The following PDZD7 variants were observed in gnomAD, a reference collection of about 807,000 sequenced individuals.
The protein encoded by PDZD7 is PDZ domain-containing protein 7.
PDZD7 carries 72 observed loss-of-function variants against 84.7 expected under a neutral mutation model. That is an observed-to-expected ratio of 0.85 (90% CI 0.70 to 1.03). The LOEUF is 1.03. Ranked by LOEUF, PDZD7 falls within the 50% of genes least tolerant of loss-of-function variation. PDZD7 has a pLI of 0.00. For synonymous variants in PDZD7, 594 were observed against 580.7 expected, an observed-to-expected ratio of 1.02 and a Z score of -0.33; for missense variants, 1,490 against 1,412.9, an observed-to-expected ratio of 1.05 and a Z score of -0.87.
At position 101,010,450 on chromosome 10, in the gene PDZD7, G is replaced by C; in HGVS notation, c.2439C>G (p.His813Gln). 4 of 1,536,080 alleles carry C rather than the reference G, an allele frequency of 2.6e-6. No homozygotes were observed. Among genetic ancestry groups the C allele is most frequent in the Non-Finnish European group, 3.5e-6 (4 of 1,146,890 alleles). The change falls in exon 15 of 17, where the codon CAC (histidine) becomes CAG (glutamine). Residue 813 changes from histidine to glutamine, a missense_variant. Transcript: ENST00000619208. ...PAPSMTNGRY[H>Q]KPRKARPPLP... The stretch of plus-strand genomic sequence containing the variant: ...GAGGGGGTCTGGCCTTCCGAGGCTT[G>C]TGGTAGCGCCCATTGGTCATGCTGG...
intron 3 of PDZD7, 131 bp from the exon 4 acceptor site, chr10:101,023,741 T>C: frequency 7.1e-7 from 1 of 1,417,302 alleles, no homozygotes; most frequent in Non-Finnish European, 9.8e-7. Context: ...AGGGGCTGAG[T>C]GTTCCCAGTG....
chr10:101,020,651 C>T lies in PDZD7; in HGVS notation c.895G>A (p.Glu299Lys), dbSNP rs143775296. The T allele has an allele frequency of 1.9e-6, 3 of 1,614,070 alleles. No homozygotes were observed. The highest frequency in any genetic ancestry group is 2.7e-5 in the African/African-American group (2 of 75,026). The change falls in exon 7 of 17, where the codon GAG becomes AAG. Residue 299 changes from glutamate (E) to lysine (K), a missense_variant. Transcript: ENST00000619208. Reference sequence around the variant, plus strand: ...AGCCAGCAGTACTCAGAAACCATCTCCTTGTAGGCAGGATACCGGCCGGTC... The same window carrying T: ...AGCCAGCAGTACTCAGAAACCATCTTCTTGTAGGCAGGATACCGGCCGGTC... ...KETGRYPAYK[E>K]MVSEYCWLDR...
In PDZD7 at chr10:101,018,913, C is replaced by G. The variant is rs1356340580; in HGVS notation, c.1233G>C (p.Ala411=). The G allele has an allele frequency of 1.2e-6, 2 of 1,604,760 alleles. No individual in the cohort carries two copies. ...AAGCCGTCTTGGGAGACTCAGAGAG[C>G]GCAGAGTCAAGGCGGCGGCCGGGAT... The part of the protein sequence containing the change: ...GPHPGRRLDS[A]LSESPKTALL... Residue 411 remains alanine, a synonymous_variant, in exon 8 of 17, where the codon GCG becomes GCC. Coordinates refer to ENST00000619208, the MANE Select transcript of PDZD7 (RefSeq NM_001195263.2).
chr10:101,017,891 GAA>G (rs66819144), intron 9 of PDZD7: 7 of 151,734 alleles, frequency 4.6e-5, no homozygotes, highest in African/African-American at 2.5e-4. Context: ...AAGAAAGAAA[GAA>G]AAGAAAGAAA....
At chr10:101,020,015 A>G (rs1222731122) in intron 7 of PDZD7, among the ~76,000 whole-genome samples, 2 of 151,228 alleles carry the variant, frequency 1.3e-5, no homozygotes, top group African/African-American at 2.4e-5. Context: ...CACAGCCTCA[A>G]ACTCCTGGGC....
chr10:101,015,854 T>C (rs1376965617), intron 10 of PDZD7, 43 bp from the exon 11 acceptor site: 2 of 1,522,238 alleles, frequency 1.3e-6, no homozygotes, highest in East Asian at 4.9e-5. Context: ...GGGGCTTCCC[T>C]CAGCAGGGCT....
At chr10:101,024,775 A>G (rs1336752757) in intron 2 of PDZD7, among the ~76,000 whole-genome samples, 1 of 151,710 alleles carries the variant, frequency 6.6e-6, no homozygotes, top group East Asian at 1.9e-4. Flanking sequence ...TGTCTCAAAA[A>G]AAAAAAAAAA....
chr10:101,020,778 C>T, intron 6 of PDZD7, 100 bp from the exon 7 acceptor site: 2 of 837,514 alleles, frequency 2.4e-6, no homozygotes, highest in Non-Finnish European at 4.0e-6. Context: ...CTTTCAACTT[C>T]ATTTCTGTCC....
chr10:101,020,280 A>G (rs1438827943), intron 7 of PDZD7, among the ~76,000 whole-genome samples: 2 of 151,446 alleles, frequency 1.3e-5, no homozygotes, highest in East Asian at 3.9e-4. Context: ...GCTACTTTGT[A>G]TTTTTAGTAA....
rs1221765592 is a variant in PDZD7, at chr10:101,010,256, T to G, written c.2617+16A>C. On this transcript the variant is annotated intron_variant, in intron 15 of 16. Transcript: ENST00000619208. Reference sequence around the variant, plus strand: ...TCCTAGTGTCCTCTGCCGGGCCCAGTCCCACGTGGACTCACCTAAGGACTG... The same window carrying G: ...TCCTAGTGTCCTCTGCCGGGCCCAGGCCCACGTGGACTCACCTAAGGACTG... 2.7e-6 allele frequency: 4 copies of G among 1,508,004 alleles called. No individual in the cohort carries two copies. The East Asian group carries it at 1.0e-4, about 38-fold the overall frequency. 93.4% of individuals were successfully genotyped at this position (1,508,004 alleles called of 1,614,324 possible). A position where few individuals can be genotyped will look rare whatever the true frequency, so the allele number is the denominator to read the frequency against.
intron 11 of PDZD7, among the ~76,000 whole-genome samples, chr10:101,015,006 C>T (rs1361410490): frequency 1.3e-5 from 2 of 152,246 alleles, no homozygotes; most frequent in East Asian, 3.8e-4. Flanking sequence ...ACAGCCTCCC[C>T]AACAGGTGGG....
chr10:101,009,148 C>T (rs1436147768), intron 16 of PDZD7, 102 bp downstream of exon 16: 22 of 1,124,254 alleles, frequency 2.0e-5, no homozygotes, highest in East Asian at 2.6e-5. Flanking sequence ...TCCCACAACC[C>T]GGGCTAAACA....
intron 1 of PDZD7, chr10:101,030,674 G>C: frequency 6.3e-6 from 2 of 319,554 alleles, no homozygotes; most frequent in South Asian, 5.6e-5. Flanking sequence ...GGATTACTGC[G>C]GGCCCTGGGG....
Position 101,008,847 on chromosome 10 carries a change from C to T in PDZD7, c.2722G>A (p.Gly908Ser). ...CCGTCCACTGCCACAAGCTCGAAGC[C>T]AGCCTAGGGTGGGGTGAGAGAGTCA... The part of the protein sequence containing the change: ...AAFLSGALQA[G>S]FELVAVDGEN... The change falls in exon 17 of 17, where the codon GGC becomes AGC. Residue 908 changes from glycine to serine, a missense_variant. Coordinates refer to ENST00000619208, the MANE Select transcript of PDZD7 (RefSeq NM_001195263.2). 1 of 1,493,962 alleles carries T rather than the reference C, an allele frequency of 6.7e-7. No individual in the cohort carries two copies. Among genetic ancestry groups the T allele is most frequent in the South Asian group, 1.3e-5 (1 of 77,212 alleles). 92.5% of individuals were successfully genotyped at this position (1,493,962 alleles called of 1,614,324 possible).
intron 2 of PDZD7, among the ~76,000 whole-genome samples, chr10:101,027,497 T>C (rs982724028): frequency 6.6e-6 from 1 of 152,228 alleles, no homozygotes; most frequent in Admixed American, 6.5e-5. Context: ...AGCGTAATCC[T>C]GGATCAGCAG....
intron 2 of PDZD7, among the ~76,000 whole-genome samples, chr10:101,026,183 G>A (rs1055876414): frequency 6.6e-6 from 1 of 151,552 alleles, no homozygotes. Flanking sequence ...CTCCCAGGCT[G>A]GAGTGCAATG....
intron 6 of PDZD7, among the ~76,000 whole-genome samples, chr10:101,020,902 G>C: frequency 6.6e-6 from 1 of 152,114 alleles, no homozygotes; most frequent in Non-Finnish European, 1.5e-5. Context: ...TGAGATACAG[G>C]GGCCTTCCTG....
chr10:101,017,913 A>T, intron 9 of PDZD7, 186 bp downstream of exon 9: 1 of 440,722 alleles, frequency 2.3e-6, no homozygotes, highest in Middle Eastern at 6.0e-4. Flanking sequence ...AGAAAGAAAG[A>T]AAAGAAAGAA....
chr10:101,008,416 G>C lies in PDZD7; in HGVS notation c.*51C>G. ...GAAGAAGTTGGTAGGAGAGGTCCTG[G>C]GGATAACGGGATGCTGGAGTCAGTG... On this transcript the variant is annotated 3_prime_UTR_variant, in exon 17 of 17. Transcript: ENST00000619208. The C allele has an allele frequency of 6.9e-7, 1 of 1,457,954 alleles. No individual in the cohort carries two copies. The highest frequency in any genetic ancestry group is 9.1e-7 in the Non-Finnish European group (1 of 1,101,954). 90.3% of individuals were successfully genotyped at this position (1,457,954 alleles called of 1,614,324 possible).
Sources: gnomAD v4.1 joint callset for allele counts (sites outside exome capture counted in the v4.1 genomes callset) on GRCh38, gnomAD v4.1.1 for gene constraint, MANE v1.5 for transcripts, NCBI Gene and HGNC (gene_info 2026-07-23, HGNC 2026-07-21) for gene names.